CHN1: variants seen among roughly 807,000 people sequenced by gnomAD.
CHN1 encodes the protein N-chimaerin.
A neutral mutation model predicts 59.5 loss-of-function variants in CHN1; 37 were observed. The ratio of observed to expected loss-of-function variants is 0.62; its 90% CI spans 0.48 to 0.82. The LOEUF (loss-of-function observed/expected upper bound fraction) is 0.82. Among genes scored for constraint, CHN1 ranks in the 40% least tolerant of loss-of-function variants. The pLI is 0.00. For missense variants in CHN1, 469 were observed against 571.0 expected (o/e 0.82, Z 1.82); for synonymous variants, 206 against 200.4 (o/e 1.03, Z -0.24).
intron 3 of CHN1, among the ~76,000 whole-genome samples, chr2:174,926,034 C>CT (rs1449093241): frequency 2.0e-5 from 3 of 152,074 alleles, no homozygotes; most frequent in African/African-American, 4.8e-5. Context: ...GAGAAAAAAA[C>CT]TTTAAGTTAA....
intron 5 of CHN1, among the ~76,000 whole-genome samples, chr2:174,913,880 T>C (rs1273270678): frequency 6.6e-6 from 1 of 152,240 alleles, no homozygotes; most frequent in Non-Finnish European, 1.5e-5. Flanking sequence ...AGAAATTTCA[T>C]ATATTTGACC....
chr2:174,903,196 C>T (rs1345845048), intron 5 of CHN1, among the ~76,000 whole-genome samples: 1 of 152,154 alleles, frequency 6.6e-6, no homozygotes, highest in Non-Finnish European at 1.5e-5. Context: ...GATCATCAAC[C>T]TCCTCATAGG....
At chr2:174,988,623 A>G (rs1347905578) in intron 1 of CHN1, among the ~76,000 whole-genome samples, 1 of 152,174 alleles carries the variant, frequency 6.6e-6, no homozygotes, top group South Asian at 2.1e-4. Context: ...CTCAGCAGCT[A>G]TGAATCTTCT....
intron 7 of CHN1, among the ~76,000 whole-genome samples, chr2:174,828,576 C>T (rs1685770200): frequency 6.6e-6 from 1 of 152,188 alleles, no homozygotes; most frequent in Admixed American, 6.5e-5. Context: ...GATAATTCTA[C>T]AGGCACTGAC....
chr2:174,978,269 CT>C, intron 1 of CHN1, among the ~76,000 whole-genome samples: 1 of 152,310 alleles, frequency 6.6e-6, no homozygotes, highest in South Asian at 2.1e-4. Context: ...TTAAAAACAT[CT>C]TTCATGACAA....
At chr2:174,806,593 C>T (rs1304482159) in intron 11 of CHN1, among the ~76,000 whole-genome samples, 9 of 152,150 alleles carry the variant, frequency 5.9e-5, no homozygotes, top group African/African-American at 2.2e-4. Flanking sequence ...AGGGCTCTGA[C>T]CTTAGAGGTG....
At chr2:174,979,248 G>A (rs1691056384) in intron 1 of CHN1, among the ~76,000 whole-genome samples, 1 of 151,736 alleles carries the variant, frequency 6.6e-6, no homozygotes, top group Non-Finnish European at 1.5e-5. Flanking sequence ...AAGTAATATA[G>A]GAAAATGAGA....
chr2:174,805,387 C>T (rs944085205), intron 11 of CHN1, among the ~76,000 whole-genome samples: 1 of 152,220 alleles, frequency 6.6e-6, no homozygotes, highest in South Asian at 2.1e-4. Flanking sequence ...TATAAGTTGA[C>T]TTATTCAACA....
intron 2 of CHN1, among the ~76,000 whole-genome samples, chr2:174,948,591 A>G (rs1689919221): frequency 6.6e-6 from 1 of 152,242 alleles, no homozygotes; most frequent in African/African-American, 2.4e-5. Flanking sequence ...GCATGGGTAA[A>G]ATAAGTTTCT....
chr2:174,819,951 G>T (rs1685425439), intron 8 of CHN1, among the ~76,000 whole-genome samples: 1 of 151,238 alleles, frequency 6.6e-6, no homozygotes, highest in Non-Finnish European at 1.5e-5. Flanking sequence ...TACTGAGAAT[G>T]ATGATTTCCA....
chr2:174,872,066 G>A (rs1029662322), intron 6 of CHN1, among the ~76,000 whole-genome samples: 7 of 152,122 alleles, frequency 4.6e-5, no homozygotes, highest in African/African-American at 1.7e-4. Context: ...TAGATCACTT[G>A]AGCTCAAGAG....
At chr2:174,959,064 T>A (rs1383590622) in intron 1 of CHN1, among the ~76,000 whole-genome samples, 1 of 152,162 alleles carries the variant, frequency 6.6e-6, no homozygotes, top group Non-Finnish European at 1.5e-5. Context: ...TTTTAATATT[T>A]CTTTTAATAT....
rs1223815174 is a variant in CHN1 at position 174,849,916 on chromosome 2, C to CT, written c.550-2960dup. ...GAGAGGAAACCATGGAGTCTTCTCT[C>CT]TGATTCTATTCAAGGTGGTTTCTCT... On this transcript the variant is annotated intron_variant, in intron 6 of 12. Transcript: ENST00000409900. 1.3e-5 allele frequency among the ~76,000 whole-genome samples: 2 copies of CT among 152,198 alleles called. 1 individual carries two copies. Among genetic ancestry groups the CT allele is most frequent in the East Asian group, 3.8e-4 (2 of 5,202 alleles).
At chr2:174,966,413 A>C (rs190425789) in intron 1 of CHN1, among the ~76,000 whole-genome samples, 46 of 152,306 alleles carry the variant, frequency 3.0e-4, no homozygotes, top group Non-Finnish European at 4.1e-4. Flanking sequence ...ACAGAAAAAA[A>C]TATTTTGTAA....
rs1686816297 is a variant in CHN1, at chr2:174,853,756, C to T, written c.550-6799G>A. 2.0e-5 allele frequency among the ~76,000 whole-genome samples: 3 copies of T among 152,194 alleles called. No individual in the cohort carries two copies. In the South Asian group the frequency reaches 6.2e-4, roughly 32 times the overall value. The stretch of plus-strand genomic sequence containing the variant: ...TGTGGTACATACACACTATGGTATA[C>T]TATGCAGCCATTAAAAAACATCATG... On this transcript the variant is annotated intron_variant, in intron 6 of 12. Coordinates refer to ENST00000409900, the MANE Select transcript of CHN1 (RefSeq NM_001822.7).
chr2:174,945,927 G>GTATATATA (rs66901515), intron 2 of CHN1, among the ~76,000 whole-genome samples: 1 of 150,406 alleles, frequency 6.6e-6, no homozygotes, highest in African/African-American at 2.5e-5. Context: ...GTGTGTGTGT[G>GTATATATA]TGTGTATATA....
rs1446111876 is a variant in CHN1 at position 174,885,495 on chromosome 2, T to C, written c.261-7367A>G. ...GACATTTGGGAGTAAATAAGTGATA[T>C]ACAATTTTTCTTTTTTTTCTGAGAC... is the stretch of plus-strand genomic sequence containing the variant. On this transcript the variant is annotated intron_variant, in intron 5 of 12. Coordinates refer to ENST00000409900, the MANE Select transcript of CHN1 (RefSeq NM_001822.7). Among the ~76,000 whole-genome samples the C allele has an allele frequency of 2.0e-5, 3 of 151,942 alleles. No individual in the cohort carries two copies. The East Asian group carries it at 5.8e-4, about 29-fold the overall frequency.
At chr2:174,858,979 T>TACACACACACACACACACACACACAC (rs71407155) in intron 6 of CHN1, among the ~76,000 whole-genome samples, 15 of 142,510 alleles carry the variant, frequency 1.1e-4, no homozygotes, top group African/African-American at 3.7e-4. Flanking sequence ...TTTCCTCCTC[T>TACACACACACACACACACACACACAC]ACACACACAC....
chr2:174,873,748 A>C (rs1397810484), intron 6 of CHN1, among the ~76,000 whole-genome samples: 1 of 152,236 alleles, frequency 6.6e-6, no homozygotes, highest in Non-Finnish European at 1.5e-5. Flanking sequence ...AGATCCCAAA[A>C]GAATTCTTCA....
Sources: gnomAD v4.1 joint callset for allele counts (sites outside exome capture counted in the v4.1 genomes callset) on GRCh38, gnomAD v4.1.1 for gene constraint, MANE v1.5 for transcripts, NCBI Gene and HGNC (gene_info 2026-07-23, HGNC 2026-07-21) for gene names.